CSGALNACT1: variants seen among roughly 807,000 people sequenced by gnomAD.
CSGALNACT1 encodes beta4GalNAcT-1.
A neutral mutation model predicts 51.0 loss-of-function variants in CSGALNACT1; 52 were observed. The observed-to-expected ratio is 1.02, with a 90% CI of 0.82 to 1.29. CSGALNACT1 has a LOEUF of 1.29. Ranked by LOEUF, CSGALNACT1 falls within the 50% of genes most tolerant of loss-of-function variation. CSGALNACT1 has a pLI of 0.00. For missense variants in CSGALNACT1, 935 were observed against 679.2 expected, an observed-to-expected ratio of 1.38 and a Z score of -4.19; for synonymous variants, 341 against 254.4, an observed-to-expected ratio of 1.34 and a Z score of -3.24.
At chr8:19,701,159 T>TTTTTTTTTG (rs2061852648) in intron 1 of CSGALNACT1, among the ~76,000 whole-genome samples, 1 of 140,554 alleles carries the variant, frequency 7.1e-6, no homozygotes, top group Non-Finnish European at 1.6e-5. Flanking sequence ...ATCCGTTTTT[T>TTTTTTTTTG]TTTTTTTTTT....
At chr8:19,527,377 G>A (rs1273153839) in intron 3 of CSGALNACT1, among the ~76,000 whole-genome samples, 1 of 152,070 alleles carries the variant, frequency 6.6e-6, no homozygotes, top group African/African-American at 2.4e-5. Context: ...GAGGAGGGTG[G>A]ATCACTTGAG....
intron 1 of CSGALNACT1, among the ~76,000 whole-genome samples, chr8:19,667,012 A>ACGG (rs2059378504): frequency 2.9e-5 from 1 of 34,398 alleles, no homozygotes; most frequent in Non-Finnish European, 5.0e-5. Context: ...AGAAAGAAAG[A>ACGG]AAGAAAGGAA....
intron 1 of CSGALNACT1, among the ~76,000 whole-genome samples, chr8:19,634,329 T>A (rs2055718764): frequency 6.6e-6 from 1 of 152,026 alleles, no homozygotes; most frequent in South Asian, 2.1e-4. Flanking sequence ...CATGAGATCA[T>A]GTGGTGGGAT....
At chr8:19,580,708 A>G (rs2045377939) in intron 3 of CSGALNACT1, among the ~76,000 whole-genome samples, 1 of 152,240 alleles carries the variant, frequency 6.6e-6, no homozygotes. Flanking sequence ...CTGGTAATAC[A>G]CAGACTCACT....
chr8:19,664,369 A>G (rs2059009546), intron 1 of CSGALNACT1, among the ~76,000 whole-genome samples: 1 of 152,184 alleles, frequency 6.6e-6, no homozygotes, highest in Admixed American at 6.5e-5. Flanking sequence ...AAAAGGCAAC[A>G]CTTCTATACT....
chr8:19,563,755 T>A (rs1351574173), intron 3 of CSGALNACT1, among the ~76,000 whole-genome samples: 1 of 152,128 alleles, frequency 6.6e-6, no homozygotes, highest in Non-Finnish European at 1.5e-5. Flanking sequence ...CTAACACAAG[T>A]CTGCTCAGAT....
chr8:19,447,580 T>G (rs2153788797), intron 5 of CSGALNACT1, among the ~76,000 whole-genome samples: 1 of 152,286 alleles, frequency 6.6e-6, no homozygotes, highest in East Asian at 1.9e-4. Context: ...CACAATAGGA[T>G]GTGTGGCAGC....
chr8:19,424,876 G>A (rs778336253), intron 6 of CSGALNACT1, among the ~76,000 whole-genome samples: 11 of 152,222 alleles, frequency 7.2e-5, no homozygotes, highest in Non-Finnish European at 1.2e-4. Flanking sequence ...GCCCCCAAAT[G>A]CAGACTGTAG....
intron 5 of CSGALNACT1, among the ~76,000 whole-genome samples, chr8:19,449,696 T>A (rs985170147): frequency 3.3e-5 from 5 of 152,076 alleles, no homozygotes; most frequent in African/African-American, 1.2e-4. Context: ...AAGAGAACAT[T>A]AAGACAAAAA....
intron 1 of CSGALNACT1, among the ~76,000 whole-genome samples, chr8:19,661,056 G>C (rs540371788): frequency 6.6e-6 from 1 of 151,962 alleles, no homozygotes; most frequent in South Asian, 2.1e-4. Flanking sequence ...GGGTCTACAG[G>C]TGCATGCCAC....
chr8:19,441,112 A>T (rs1051670851), intron 5 of CSGALNACT1, among the ~76,000 whole-genome samples: 1 of 152,252 alleles, frequency 6.6e-6, no homozygotes, highest in Admixed American at 6.5e-5. Context: ...ATGGGTAGGA[A>T]GAATCAATAT....
At chr8:19,610,232 G>T (rs920611574) in intron 1 of CSGALNACT1, among the ~76,000 whole-genome samples, 3 of 142,976 alleles carry the variant, frequency 2.1e-5, no homozygotes, top group Admixed American at 1.4e-4. Flanking sequence ...GGAGGTTCCA[G>T]TGAGCCAAAA....
chr8:19,680,565 C>CG (rs1491164103), intron 1 of CSGALNACT1, among the ~76,000 whole-genome samples: 2 of 10,658 alleles, frequency 1.9e-4, no homozygotes, highest in Non-Finnish European at 4.2e-4. Flanking sequence ...CCTCGCCCCA[C>CG]CCCCCCCCCC....
chr8:19,536,053 G>T (rs567454070), intron 3 of CSGALNACT1, among the ~76,000 whole-genome samples: 6 of 152,234 alleles, frequency 3.9e-5, no homozygotes, highest in African/African-American at 1.4e-4. Flanking sequence ...CAGAAGACAT[G>T]ATCTATATAG....
intron 1 of CSGALNACT1, among the ~76,000 whole-genome samples, chr8:19,752,466 C>T (rs374789037): frequency 9.2e-5 from 14 of 152,254 alleles, no homozygotes; most frequent in East Asian, 7.7e-4. Flanking sequence ...AACTTTAGCA[C>T]GTTTCTAATA....
intron 3 of CSGALNACT1, among the ~76,000 whole-genome samples, chr8:19,537,968 A>C (rs1420093475): frequency 6.6e-6 from 1 of 152,178 alleles, no homozygotes; most frequent in Non-Finnish European, 1.5e-5. Context: ...GGACTGGGGA[A>C]AATATTTGCC....
chr8:19,709,350 C>G (rs768510120), intron 1 of CSGALNACT1, among the ~76,000 whole-genome samples: 8 of 152,192 alleles, frequency 5.3e-5, no homozygotes, highest in Non-Finnish European at 1.0e-4. Context: ...ATCAGGCCTG[C>G]CTTCAAGGGG....
chr8:19,531,233 G>T (rs2082711947), intron 3 of CSGALNACT1, among the ~76,000 whole-genome samples: 1 of 152,124 alleles, frequency 6.6e-6, no homozygotes, highest in Non-Finnish European at 1.5e-5. Context: ...TGGAAACATT[G>T]AAACCCCAAA....
At chr8:19,540,624 C>A (rs1350455780) in intron 3 of CSGALNACT1, among the ~76,000 whole-genome samples, 1 of 152,170 alleles carries the variant, frequency 6.6e-6, no homozygotes, top group African/African-American at 2.4e-5. Context: ...TCTTTGTGAT[C>A]TGATCTCTAC....
Sources: allele counts gnomAD v4.1 joint callset (sites outside exome capture counted in the v4.1 genomes callset), GRCh38; gene constraint gnomAD v4.1.1; transcripts MANE v1.5; gene names NCBI Gene and HGNC (gene_info 2026-07-23, HGNC 2026-07-21).